Variants in CDH11 observed in about 807,000 individuals in gnomAD.
CDH11 encodes cadherin 11, also known as cadherin-11.
CDH11 carries 11 observed loss-of-function variants against 67.8 expected under a neutral mutation model. The ratio of observed to expected loss-of-function variants is 0.16; its 90% confidence interval spans 0.10 to 0.27. The LOEUF is 0.27. CDH11 is among the 10% of genes least tolerant of loss of function. CDH11 has a pLI of 1.00. For synonymous variants in CDH11, 419 were observed against 400.0 expected (o/e 1.05, Z -0.57); for missense variants, 847 against 1,031.2 (o/e 0.82, Z 2.45).
chr16:65,115,423 G>GA (rs2075226354), intron 1 of CDH11, among the ~76,000 whole-genome samples: 1 of 152,110 alleles, frequency 6.6e-6, no homozygotes, highest in Non-Finnish European at 1.5e-5. Context: ...TAATGGATAA[G>GA]AAAGAACTGC....
intron 2 of CDH11, among the ~76,000 whole-genome samples, chr16:65,033,269 CACAT>C (rs745920535): frequency 0.028 from 3,150 of 114,184 alleles, 52 homozygotes; most frequent in East Asian, 0.096. Flanking sequence ...CACACACACA[CACAT>C]ACAGATTTTG....
chr16:64,952,711 G>A (rs943417180), intron 11 of CDH11, among the ~76,000 whole-genome samples: 1 of 151,904 alleles, frequency 6.6e-6, no homozygotes, highest in African/African-American at 2.4e-5. Flanking sequence ...GGTATGGTCT[G>A]CCTCTGTTTG....
At chr16:65,068,928 T>G (rs1005010640) in intron 1 of CDH11, among the ~76,000 whole-genome samples, 1 of 152,200 alleles carries the variant, frequency 6.6e-6, no homozygotes, top group Non-Finnish European at 1.5e-5. Flanking sequence ...ATTCTAATAT[T>G]GACTAATTTG....
chr16:64,984,129 A>G (rs1238283082), intron 7 of CDH11, among the ~76,000 whole-genome samples: 1 of 152,180 alleles, frequency 6.6e-6, no homozygotes, highest in African/African-American at 2.4e-5. Context: ...AGTCAGTTCA[A>G]GCCTCATTGC....
intron 2 of CDH11, 32 bp downstream of exon 2, chr16:65,053,772 G>A (rs2074097423): frequency 2.2e-6 from 1 of 455,536 alleles, no homozygotes; most frequent in African/African-American, 2.0e-5. Flanking sequence ...ATAGTAATAT[G>A]TGAATTGTTC....
At chr16:65,079,502 T>C (rs901259275) in intron 1 of CDH11, among the ~76,000 whole-genome samples, 1 of 152,178 alleles carries the variant, frequency 6.6e-6, no homozygotes, top group African/African-American at 2.4e-5. Flanking sequence ...TGTATGTGTG[T>C]GTGTGTGTTT....
chr16:65,037,929 T>A (rs1418342998), intron 2 of CDH11, among the ~76,000 whole-genome samples: 3 of 152,088 alleles, frequency 2.0e-5, no homozygotes, highest in Non-Finnish European at 2.9e-5. Flanking sequence ...ACCCCTCTGA[T>A]GAGGGGAGAA....
intron 1 of CDH11, among the ~76,000 whole-genome samples, chr16:65,060,389 C>G (rs2074218788): frequency 6.6e-6 from 1 of 151,584 alleles, no homozygotes; most frequent in African/African-American, 2.4e-5. Context: ...TTATTAACAA[C>G]TTGAGAACAG....
chr16:65,008,975 T>G (rs974428274), intron 2 of CDH11, among the ~76,000 whole-genome samples: 1 of 152,154 alleles, frequency 6.6e-6, no homozygotes, highest in African/African-American at 2.4e-5. Context: ...AACGTAGCAT[T>G]ATTGCTATTC....
intron 1 of CDH11, among the ~76,000 whole-genome samples, chr16:65,113,488 A>C (rs2075194554): frequency 6.6e-6 from 1 of 152,118 alleles, no homozygotes; most frequent in Non-Finnish European, 1.5e-5. Flanking sequence ...GACTGCATAC[A>C]TCTGATTCCT....
chr16:64,950,629 A>ACCC, intron 12 of CDH11, 138 bp downstream of exon 12: 2 of 796,186 alleles, frequency 2.5e-6, no homozygotes, highest in South Asian at 2.6e-5. Flanking sequence ...CCGCCCCCGT[A>ACCC]CCCCACTTCT....
chr16:65,089,146 T>C (rs1174830722), intron 1 of CDH11, among the ~76,000 whole-genome samples: 1 of 152,094 alleles, frequency 6.6e-6, no homozygotes, highest in East Asian at 1.9e-4. Flanking sequence ...ATTGAACCTG[T>C]TATAATAACC....
At chr16:65,074,458 T>C (rs1385370908) in intron 1 of CDH11, among the ~76,000 whole-genome samples, 1 of 152,204 alleles carries the variant, frequency 6.6e-6, no homozygotes, top group East Asian at 1.9e-4. Context: ...TAGAATGTGA[T>C]CCTAGTAGTG....
chr16:65,116,639 T>C (rs1345831304), intron 1 of CDH11, among the ~76,000 whole-genome samples: 1 of 152,202 alleles, frequency 6.6e-6, no homozygotes, highest in African/African-American at 2.4e-5. Flanking sequence ...GAGGGACACT[T>C]GGTGCCAGAA....
At position 64,992,967 on chromosome 16, in the gene CDH11, T is replaced by C. The variant is rs2072668309; in HGVS notation, c.591A>G (p.Leu197=). Residue 197 remains leucine (L), a synonymous_variant, in exon 5 of 13, where the codon TTA becomes TTG. Coordinates refer to ENST00000268603, the MANE Select transcript of CDH11 (RefSeq NM_001797.4). ...GTTGTCCTTCGAGGATACTGTACAC[T>C]AACTTGGCGCTATTTCCATAAGTGG... ...DDPTYGNSAK[L]VYSILEGQPY... is the part of the protein sequence containing the mutation. 1.9e-6 allele frequency: 3 copies of C among 1,611,974 alleles called. No individual in the cohort carries two copies. The highest frequency in any genetic ancestry group is 1.7e-6 in the Non-Finnish European group (2 of 1,178,070).
chr16:64,981,148 C>CAGGCTAGA (rs1488703373), intron 8 of CDH11: 1 of 145,374 alleles, frequency 6.9e-6, no homozygotes, highest in Non-Finnish European at 1.5e-5. Flanking sequence ...CTCTGCCACC[C>CAGGCTAGA]AGGCTAGAAT....
At position 64,998,678 on chromosome 16, in the gene CDH11, T is replaced by C. The variant is rs1355743461; in HGVS notation, c.407A>G (p.Asn136Ser). The C allele has an allele frequency of 3.1e-6, 5 of 1,613,980 alleles. No homozygotes were observed. The highest frequency in any genetic ancestry group is 2.7e-5 in the African/African-American group (2 of 74,888). Residue 136 changes from asparagine (N) to serine (S), a missense_variant, in exon 4 of 13, where the codon AAT (asparagine) becomes AGT (serine). This residue lies in a region of CDH11 where 235 missense variants were observed against 352.5 expected (regional missense o/e 0.67). Transcript: ENST00000268603. The stretch of plus-strand genomic sequence containing the variant: ...TTCCGACGGTGGCTCCAGTGGCCGA[T>C]TGGTGTCCCTGTCCACCGCCTGAGC... ...LMAQAVDRDT[N>S]RPLEPPSEFI... is the part of the protein sequence containing the mutation.
intron 2 of CDH11, among the ~76,000 whole-genome samples, chr16:65,021,809 A>C (rs1192012948): frequency 6.0e-5 from 9 of 149,712 alleles, no homozygotes; most frequent in Admixed American, 4.0e-4. Flanking sequence ...CCATGGACCC[A>C]TGAGATGTCT....
chr16:65,104,595 A>T (rs1482484034), intron 1 of CDH11, among the ~76,000 whole-genome samples: 1 of 152,204 alleles, frequency 6.6e-6, no homozygotes, highest in Non-Finnish European at 1.5e-5. Context: ...ACACAACAAA[A>T]GACAGGGGGC....
Sources: allele counts gnomAD v4.1 joint callset (sites outside exome capture counted in the v4.1 genomes callset), GRCh38; gene constraint gnomAD v4.1.1; regional missense constraint gnomAD v4.1.1; transcripts MANE v1.5; gene names NCBI Gene and HGNC (gene_info 2026-07-23, HGNC 2026-07-21).